ADAMTS17: variants seen among roughly 807,000 people sequenced by gnomAD.
ADAMTS17 encodes the protein ADAM metallopeptidase with thrombospondin type 1 motif 17.
Under a neutral mutation model 141.5 loss-of-function variants are expected in ADAMTS17, and 113 were observed. The ratio of observed to expected loss-of-function variants is 0.80; its 90% CI spans 0.69 to 0.93. The LOEUF (loss-of-function observed/expected upper bound fraction) is 0.93. ADAMTS17 is among the 40% of genes least tolerant of loss of function. The pLI, the probability that ADAMTS17 is intolerant of heterozygous loss-of-function variation, is 0.00. For synonymous variants in ADAMTS17, 768 were observed against 630.6 expected, an observed-to-expected ratio of 1.22 and a Z score of -3.27; for missense variants, 1,659 against 1,517.9, an observed-to-expected ratio of 1.09 and a Z score of -1.54.
chr15:100,315,917 G>A (rs918633687), intron 3 of ADAMTS17, among the ~76,000 whole-genome samples: 36 of 152,348 alleles, frequency 2.4e-4, no homozygotes, highest in African/African-American at 7.5e-4. Flanking sequence ...CCTCCAAGGC[G>A]AGAGGCCCTT....
chr15:100,062,428 G>C (rs147985175), intron 15 of ADAMTS17, among the ~76,000 whole-genome samples: 2 of 152,344 alleles, frequency 1.3e-5, no homozygotes, highest in East Asian at 3.9e-4. Flanking sequence ...AGGCAGGTGT[G>C]CGAGGAGCAT....
At chr15:100,188,092 T>G (rs2040785473) in intron 8 of ADAMTS17, among the ~76,000 whole-genome samples, 1 of 151,904 alleles carries the variant, frequency 6.6e-6, no homozygotes, top group Non-Finnish European at 1.5e-5. Context: ...TTTTTTTTGT[T>G]TGAGGTGGAG....
At chr15:100,163,497 T>C (rs1343725764) in intron 8 of ADAMTS17, among the ~76,000 whole-genome samples, 2 of 152,142 alleles carry the variant, frequency 1.3e-5, no homozygotes, top group Non-Finnish European at 2.9e-5. Context: ...TTTATAATTT[T>C]AATTAATAGA....
chr15:100,037,243 G>A (rs1318092515), intron 18 of ADAMTS17, among the ~76,000 whole-genome samples: 1 of 152,048 alleles, frequency 6.6e-6, no homozygotes, highest in Non-Finnish European at 1.5e-5. Context: ...TTCGATCACA[G>A]CCACACTAGT....
intron 6 of ADAMTS17, among the ~76,000 whole-genome samples, chr15:100,256,243 C>T (rs543236267): frequency 6.6e-6 from 1 of 152,332 alleles, no homozygotes; most frequent in East Asian, 1.9e-4. Context: ...TCCATTGAAA[C>T]CCCAAGGTGC....
chr15:99,976,052 G>C lies in ADAMTS17; in HGVS notation c.3120C>G (p.Pro1040=), dbSNP rs770162853. The change falls in exon 21 of 22, where the codon CCC becomes CCG. Residue 1040 remains proline (P), a synonymous_variant. Transcript: ENST00000268070. ...GCCAGTGAAGACACTCACCAAGGCG[G>C]GGGGAGGTGATGGTGTTGGCGTTGA... ...DRINANTITS[P]RLAALTYKCT... 6.4e-7 allele frequency: 1 copy of C among 1,550,716 alleles called. No individual in the cohort carries two copies. Among genetic ancestry groups the C allele is most frequent in the Non-Finnish European group, 8.7e-7 (1 of 1,146,408 alleles).
intron 8 of ADAMTS17, among the ~76,000 whole-genome samples, chr15:100,186,000 C>T (rs111590184): frequency 0.015 from 2,248 of 152,152 alleles, 64 homozygotes; most frequent in African/African-American, 0.051. Flanking sequence ...TCCACACCTA[C>T]GGGACGGTCA....
intron 2 of ADAMTS17, 173 bp downstream of exon 2, chr15:100,340,866 A>T: frequency 1.0e-6 from 1 of 995,332 alleles, no homozygotes; most frequent in Non-Finnish European, 1.5e-6. Flanking sequence ...TTGCCTATAG[A>T]GGGTACCGAA....
At chr15:99,991,438 C>G (rs1596171347) in intron 20 of ADAMTS17, among the ~76,000 whole-genome samples, 1 of 152,190 alleles carries the variant, frequency 6.6e-6, no homozygotes, top group Admixed American at 6.5e-5. Flanking sequence ...CATCACTGGT[C>G]ATTAGAGAAA....
chr15:100,229,776 T>C (rs2042420161), intron 7 of ADAMTS17, among the ~76,000 whole-genome samples: 1 of 152,154 alleles, frequency 6.6e-6, no homozygotes, highest in Non-Finnish European at 1.5e-5. Flanking sequence ...AATGCAAACA[T>C]CTTCCTTTGA....
chr15:100,320,848 G>C (rs1221615688), intron 3 of ADAMTS17, among the ~76,000 whole-genome samples: 1 of 152,080 alleles, frequency 6.6e-6, no homozygotes, highest in Non-Finnish European at 1.5e-5. Context: ...AAGAAAAAAA[G>C]AGTAAAGGTA....
At chr15:100,105,657 G>T (rs1357413385) in intron 14 of ADAMTS17, among the ~76,000 whole-genome samples, 1 of 152,190 alleles carries the variant, frequency 6.6e-6, no homozygotes, top group Non-Finnish European at 1.5e-5. Context: ...TGGTGCCTTT[G>T]TAAGAAGAGG....
chr15:100,005,795 C>T (rs1373728952), intron 18 of ADAMTS17, among the ~76,000 whole-genome samples: 1 of 152,146 alleles, frequency 6.6e-6, no homozygotes, highest in Admixed American at 6.5e-5. Flanking sequence ...GGAATCTATT[C>T]CCTCACAGTT....
Position 99,984,062 on chromosome 15 carries a change from C to G in ADAMTS17, c.2950-7840G>C, listed in dbSNP as rs1182682828. Among the ~76,000 whole-genome samples, 7 of 152,168 alleles carry G rather than the reference C, an allele frequency of 4.6e-5. No homozygotes were observed. The East Asian group carries it at 1.3e-3, about 29-fold the overall frequency. On this transcript the variant is annotated intron_variant, in intron 20 of 21. Transcript: ENST00000268070. ...AACAGGAAATGCTTCCCAGACACCC[C>G]CTCCCACGCCCCCTGCGACGCCTGC... is the stretch of plus-strand genomic sequence containing the variant.
At chr15:100,177,579 C>T (rs2040380400) in intron 8 of ADAMTS17, among the ~76,000 whole-genome samples, 1 of 152,170 alleles carries the variant, frequency 6.6e-6, no homozygotes, top group African/African-American at 2.4e-5. Flanking sequence ...GTCTATAATG[C>T]TGAATGTTCC....
intron 7 of ADAMTS17, 151 bp downstream of exon 7, chr15:100,253,985 A>AGACTTTCTTTG (rs2043242932): frequency 6.8e-6 from 5 of 734,818 alleles, no homozygotes; most frequent in Non-Finnish European, 1.2e-5. Flanking sequence ...GGAAAATAAA[A>AGACTTTCTTTG]AAAGGAAAGT....
At position 100,199,366 on chromosome 15, in the gene ADAMTS17, T is replaced by G. The variant is rs1404071816; in HGVS notation, c.1133A>C (p.Asp378Ala). 19 of 1,614,088 alleles carry G rather than the reference T, an allele frequency of 1.2e-5. No individual in the cohort carries two copies. Among genetic ancestry groups the G allele is most frequent in the Non-Finnish European group, 1.6e-5 (19 of 1,180,036 alleles). ...SAKRKCVLAE[D>A]NGLNLAFTIA... ...GGTAAAGGCCAAATTGAGACCATTG[T>G]CTTCGGCAAGCACACACTTCCTCTT... Residue 378 changes from aspartate (D) to alanine (A), a missense_variant, in exon 8 of 22, where the codon GAC becomes GCC. Coordinates refer to ENST00000268070, the MANE Select transcript of ADAMTS17 (RefSeq NM_139057.4).
rs1404987446 is a variant in ADAMTS17, at chr15:100,086,437, C to T, written c.2137+9919G>A. On this transcript the variant is annotated intron_variant, in intron 15 of 21. Transcript: ENST00000268070. ...CCACTGTCAACATTAGACAGATCAA[C>T]GAGACAGACAGTTAACAAGGATATC... Among the ~76,000 whole-genome samples, 23 of 151,974 alleles carry T rather than the reference C, an allele frequency of 1.5e-4. No individual in the cohort carries two copies. In the East Asian group the frequency reaches 3.7e-3, roughly 24 times the overall value.
intron 8 of ADAMTS17, among the ~76,000 whole-genome samples, chr15:100,192,895 T>C (rs1267023369): frequency 1.3e-5 from 2 of 150,708 alleles, no homozygotes; most frequent in African/African-American, 4.9e-5. Flanking sequence ...CCCCCAGACA[T>C]GTGTCCACCC....
Sources: allele counts gnomAD v4.1 joint callset (sites outside exome capture counted in the v4.1 genomes callset), GRCh38; gene constraint gnomAD v4.1.1; transcripts MANE v1.5; gene names NCBI Gene and HGNC (gene_info 2026-07-23, HGNC 2026-07-21).